P2RX1: variants seen among roughly 807,000 people sequenced by gnomAD.
P2RX1 encodes the protein purinergic receptor P2X 1.
In P2RX1, 42 loss-of-function variants were observed where a neutral mutation model predicts 50.3. The ratio of observed to expected loss-of-function variants is 0.83; its 90% confidence interval spans 0.65 to 1.08. The LOEUF is 1.08. Ranked by LOEUF, P2RX1 falls within the 50% of genes least tolerant of loss-of-function variation. P2RX1 has a pLI of 0.00. For missense variants in P2RX1, 449 were observed against 529.0 expected (o/e 0.85, Z 1.48); for synonymous variants, 199 against 202.6 (o/e 0.98, Z 0.15).
intron 7 of P2RX1, among the ~76,000 whole-genome samples, chr17:3,901,836 G>A (rs1023633013): frequency 6.6e-6 from 1 of 152,132 alleles, no homozygotes; most frequent in African/African-American, 2.4e-5. Context: ...GCCAGGCAGC[G>A]AGGCACGCCA....
Position 3,905,293 on chromosome 17 carries a change from C to A in P2RX1, c.212G>T (p.Gly71Val). 6.2e-7 allele frequency: 1 copy of A among 1,613,970 alleles called. No individual in the cohort carries two copies. ...GCCAGGGAGCTGGGTCACGGCCAGGCCCTTGAGTTTCACAGAGACACTGCT... is the reference window on the plus strand; with the variant it reads ...GCCAGGGAGCTGGGTCACGGCCAGGACCTTGAGTTTCACAGAGACACTGCT... ...LISSVSVKLKGLAVTQLPGLG... is the reference protein window; with the variant it reads ...LISSVSVKLKVLAVTQLPGLG... Residue 71 changes from glycine (G) to valine (V), a missense_variant, in exon 2 of 12, where the codon GGC (glycine) becomes GTC (valine). By Grantham distance (109) the Gly-to-Val change is moderately radical. Transcript: ENST00000225538.
At chr17:3,908,634 C>G (rs570594107) in intron 1 of P2RX1, among the ~76,000 whole-genome samples, 3 of 152,254 alleles carry the variant, frequency 2.0e-5, no homozygotes, top group African/African-American at 7.2e-5. Flanking sequence ...CTTGATCTGG[C>G]CTTATTGTCA....
rs946455923 is a variant in P2RX1 at position 3,916,214 on chromosome 17, C to A, written c.12G>T (p.Arg4=). Residue 4 remains arginine, a synonymous_variant, in exon 1 of 12, where the codon CGG becomes CGT. Coordinates refer to ENST00000225538, the MANE Select transcript of P2RX1 (RefSeq NM_002558.4). Reference sequence around the variant, plus strand: ...GGAAGGCGGCCAGCTCCTCCTGGAACCGCCGTGCCATGGTGGGCCGGCTGG... The same window carrying A: ...GGAAGGCGGCCAGCTCCTCCTGGAAACGCCGTGCCATGGTGGGCCGGCTGG... MAR[R]FQEELAAFLF... 6.2e-7 allele frequency: 1 copy of A among 1,613,110 alleles called. No individual in the cohort carries two copies. The highest frequency in any genetic ancestry group is 8.5e-7 in the Non-Finnish European group (1 of 1,180,002).
chr17:3,903,579 T>G lies in P2RX1; in HGVS notation c.577A>C (p.Ile193Leu), dbSNP rs2144000827. ...ENFTLFIKNS[I>L]SFPRFKVNRR... ...TTGACCTTGAAGCGTGGAAAGCTGA[T>G]GCTGTTCTTGATGAAAAGAGTGAAG... The change falls in exon 6 of 12, where the codon ATC becomes CTC. Residue 193 changes from isoleucine to leucine, a missense_variant. Coordinates refer to ENST00000225538, the MANE Select transcript of P2RX1 (RefSeq NM_002558.4). This position sits in a 1 kb window ranked among gnomAD's most constrained non-coding sequence, Gnocchi z 4.6. 6.2e-7 allele frequency: 1 copy of G among 1,614,208 alleles called. No individual in the cohort carries two copies. Among genetic ancestry groups the G allele is most frequent in the East Asian group, 2.2e-5 (1 of 44,884 alleles).
Position 3,916,441 on chromosome 17 carries a change from C to G in P2RX1, c.-216G>C, listed in dbSNP as rs548319199. The G allele has an allele frequency of 5.3e-6, 3 of 562,376 alleles. No homozygotes were observed. The highest frequency in any genetic ancestry group is 9.5e-6 in the Non-Finnish European group (3 of 317,200). 34.8% of individuals were successfully genotyped at this position (562,376 alleles called of 1,614,324 possible). ...GAATCCCTGGGTGATCAGAGCAGCTCTTGGCCCCTGGAAGGCAACAGACTG... is the reference window on the plus strand; with the variant it reads ...GAATCCCTGGGTGATCAGAGCAGCTGTTGGCCCCTGGAAGGCAACAGACTG... On this transcript the variant is annotated 5_prime_UTR_variant, in exon 1 of 12. Coordinates refer to ENST00000225538, the MANE Select transcript of P2RX1 (RefSeq NM_002558.4).
intron 7 of P2RX1, among the ~76,000 whole-genome samples, chr17:3,902,078 G>T (rs1172755920): frequency 6.6e-6 from 1 of 152,134 alleles, no homozygotes; most frequent in African/African-American, 2.4e-5. Context: ...CAGGGCACAG[G>T]ATTTCTCAGG....
rs1295526708 is a variant in P2RX1 at position 3,897,521 on chromosome 17, A to G, written c.*293T>C. 9 of 538,626 alleles carry G rather than the reference A, an allele frequency of 1.7e-5. No homozygotes were observed. The highest frequency in any genetic ancestry group is 1.6e-4 in the East Asian group (5 of 31,364). The allele number at this position is 538,626 out of a possible 1,614,324, so 33.4% of individuals were successfully genotyped here. On this transcript the variant is annotated 3_prime_UTR_variant, in exon 12 of 12. Transcript: ENST00000225538. ...TGGATAATGAGAGTCCGGAGAGAGA[A>G]GCACGAAGCTAGGGTGCAGGTGTGT... is the stretch of plus-strand genomic sequence containing the variant.
chr17:3,897,347 GTA>G lies in P2RX1; in HGVS notation c.*465_*466del. Reference sequence around the variant, plus strand: ...CCAGTATGGCAGCCACTAACCACACGTATCTACTGAGCAGTTGAAATGTGGCT... The same window carrying G: ...CCAGTATGGCAGCCACTAACCACACGTCTACTGAGCAGTTGAAATGTGGCT... On this transcript the variant is annotated 3_prime_UTR_variant, in exon 12 of 12. Transcript: ENST00000225538. The G allele has an allele frequency of 4.2e-6, 1 of 239,672 alleles. No individual in the cohort carries two copies. Among genetic ancestry groups the G allele is most frequent in the Non-Finnish European group, 8.5e-6 (1 of 118,088 alleles). The allele number at this position is 239,672 out of a possible 1,614,324, so 14.8% of individuals were successfully genotyped here. A position where few individuals can be genotyped will look rare whatever the true frequency, so the allele number is the denominator to read the frequency against.
intron 7 of P2RX1, among the ~76,000 whole-genome samples, chr17:3,902,755 G>A (rs1010426832): frequency 3.3e-5 from 5 of 151,648 alleles, no homozygotes; most frequent in South Asian, 4.2e-4. Flanking sequence ...TTACAGGTGC[G>A]CGTCACCATG....
At position 3,903,342 on chromosome 17, in the gene P2RX1, G is replaced by C. The variant is rs368291814; in HGVS notation, c.607C>G (p.Arg203Gly). 4 of 1,614,072 alleles carry C rather than the reference G, an allele frequency of 2.5e-6. No homozygotes were observed. The highest frequency in any genetic ancestry group is 1.7e-5 in the Admixed American group (1 of 60,018). The change falls in exon 7 of 12, where the codon CGC (arginine) becomes GGC (glycine). Residue 203 changes from arginine to glycine, a missense_variant and splice_region_variant. Physicochemically the swap from Arg to Gly is moderately radical, Grantham distance 125. Transcript: ENST00000225538. The surrounding 1 kb of genome is among the most constrained non-coding windows in gnomAD (Gnocchi z 4.6). ...GCATTCACCTCCTCCACCAGGTTGCGCCTGTGGGGGTGGAAGGTGTTGACA... is the reference window on the plus strand; with the variant it reads ...GCATTCACCTCCTCCACCAGGTTGCCCCTGTGGGGGTGGAAGGTGTTGACA... ...ISFPRFKVNR[R>G]NLVEEVNAAH...
chr17:3,912,845 TGC>T (rs1454506321), intron 1 of P2RX1, among the ~76,000 whole-genome samples: 1 of 152,176 alleles, frequency 6.6e-6, no homozygotes, highest in Non-Finnish European at 1.5e-5. Context: ...CCCTGATTGG[TGC>T]ACTCTGATCT....
At position 3,905,223 on chromosome 17, in the gene P2RX1, G is replaced by C; in HGVS notation, c.282C>G (p.Ala94=). Reference sequence around the variant, plus strand: ...GTGCAAACCTGAGCCAGCTCACCTGGGCTGGGAAGACGTAGTCAGCCACAT... The same window carrying C: ...GTGCAAACCTGAGCCAGCTCACCTGCGCTGGGAAGACGTAGTCAGCCACAT... ...VWDVADYVFP[A]QGDNSFVVMT... is the part of the protein sequence containing the mutation. The change falls in exon 2 of 12, where the codon GCC becomes GCG. Residue 94 remains alanine (A), a synonymous_variant. Transcript: ENST00000225538. 1 of 1,612,848 alleles carries C rather than the reference G, an allele frequency of 6.2e-7. No homozygotes were observed. The highest frequency in any genetic ancestry group is 8.5e-7 in the Non-Finnish European group (1 of 1,179,818).
intron 1 of P2RX1, among the ~76,000 whole-genome samples, chr17:3,913,744 C>T (rs2056402772): frequency 6.6e-6 from 1 of 152,224 alleles, no homozygotes; most frequent in African/African-American, 2.4e-5. Context: ...GTCTGGGACA[C>T]GGGGGCCTGG....
intron 10 of P2RX1, 21 bp from the exon 11 acceptor site, chr17:3,898,131 G>A (rs781124448): frequency 3.7e-6 from 6 of 1,602,056 alleles, no homozygotes; most frequent in South Asian, 3.3e-5. Context: ...GGAAGGGCAC[G>A]GAGACAGCGT....
intron 1 of P2RX1, among the ~76,000 whole-genome samples, chr17:3,905,977 C>T (rs2056255790): frequency 6.6e-6 from 1 of 152,200 alleles, no homozygotes; most frequent in Admixed American, 6.5e-5. Flanking sequence ...CTCCTCCTTC[C>T]AGAGGTCCCA....
rs1011927186 is a variant in P2RX1 at position 3,897,580 on chromosome 17, C to T, written c.*234G>A. On this transcript the variant is annotated 3_prime_UTR_variant, in exon 12 of 12. Transcript: ENST00000225538. ...CCTGCCCAGCCCCAGCCATTCCCCA[C>T]CAGGAGCGGCTGAGGCTAGGGTAGG... The T allele has an allele frequency of 6.8e-6, 4 of 591,704 alleles. No homozygotes were observed. Among genetic ancestry groups the T allele is most frequent in the African/African-American group, 5.6e-5 (3 of 53,878 alleles). The allele number at this position is 591,704 out of a possible 1,614,324, so 36.7% of individuals were successfully genotyped here.
At position 3,899,838 on chromosome 17, in the gene P2RX1, C is replaced by T. The variant is rs1177690476; in HGVS notation, c.748-77G>A. The stretch of plus-strand genomic sequence containing the variant: ...TGTCTCAGCCGGGCGCAGTGGCTCA[C>T]ACCTGTAATCCCAGCACTTTGGGAG... On this transcript the variant is annotated intron_variant, in intron 7 of 11. Transcript: ENST00000225538. 11 of 1,560,668 alleles carry T rather than the reference C, an allele frequency of 7.0e-6. 1 individual carries two copies. The highest frequency in any genetic ancestry group is 2.2e-4 in the Middle Eastern group (1 of 4,486).
At chr17:3,899,605 G>A (rs772238111) in intron 8 of P2RX1, 29 bp downstream of exon 8, 1 of 1,611,288 alleles carries the variant, frequency 6.2e-7, no homozygotes, top group Non-Finnish European at 8.5e-7. Context: ...CCACAAGGAA[G>A]AATGTGCTGC....
At position 3,903,978 on chromosome 17, in the gene P2RX1, C is replaced by G; in HGVS notation, c.474G>C (p.Thr158=). 6.2e-7 allele frequency: 1 copy of G among 1,614,136 alleles called. No homozygotes were observed. The highest frequency in any genetic ancestry group is 8.5e-7 in the Non-Finnish European group (1 of 1,180,008). Residue 158 remains threonine (T), a synonymous_variant, in exon 5 of 12, where the codon ACG becomes ACC. Transcript: ENST00000225538. This position sits in a 1 kb window ranked among gnomAD's most constrained non-coding sequence, Gnocchi z 4.6. ...KCVAFNDTVK[T]CEIFGWCPVE... The stretch of plus-strand genomic sequence containing the variant: ...CGGGGCACCAGCCAAAGATCTCACA[C>G]GTCTTCACAGTGTCGTTGAAGGCCA...
Sources: gnomAD v4.1 joint callset for allele counts (sites outside exome capture counted in the v4.1 genomes callset) on GRCh38, gnomAD v4.1.1 for gene constraint, Gnocchi (gnomAD v3.1) non-coding constraint, MANE v1.5 for transcripts, NCBI Gene and HGNC (gene_info 2026-07-23, HGNC 2026-07-21) for gene names.